NPHP3: variants seen among roughly 807,000 people sequenced by gnomAD.
The protein encoded by NPHP3 is nephrocystin-3.
Under a neutral mutation model 171.9 loss-of-function variants are expected in NPHP3, and 123 were observed. That is an observed-to-expected ratio of 0.72 (90% CI 0.62 to 0.83). NPHP3 has a LOEUF of 0.83. Among genes scored for constraint, NPHP3 ranks in the 40% least tolerant of loss-of-function variants. The pLI is 0.00. For synonymous variants in NPHP3, 558 were observed against 579.2 expected (o/e 0.96, Z 0.52); for missense variants, 1,506 against 1,591.9 (o/e 0.95, Z 0.92).
intron 22 of NPHP3, among the ~76,000 whole-genome samples, chr3:132,686,768 T>A (rs1450880061): frequency 6.6e-6 from 1 of 152,160 alleles, no homozygotes; most frequent in Non-Finnish European, 1.5e-5. Context: ...ACATTTAGAT[T>A]TTATCAGCAA....
chr3:132,690,891 T>TA (rs141757695), intron 18 of NPHP3, among the ~76,000 whole-genome samples: 1 of 152,020 alleles, frequency 6.6e-6, no homozygotes, highest in Non-Finnish European at 1.5e-5. Flanking sequence ...TTGAACTATT[T>TA]AAAAAAACAC....
intron 8 of NPHP3, among the ~76,000 whole-genome samples, chr3:132,704,761 G>T (rs1433991392): frequency 6.6e-6 from 1 of 152,158 alleles, no homozygotes; most frequent in Admixed American, 6.5e-5. Flanking sequence ...TTGATCTCAA[G>T]TATCTCTGTG....
chr3:132,697,299 T>C lies in NPHP3; in HGVS notation c.2049A>G (p.Ala683=), dbSNP rs1212697729. ...ATTTAATGTCTACAGAGTGGCATTC[T>C]GCAATTATAATAGATTTTGCATCTT... ...SPKDAKSIII[A]ECHSVDIKLS... The change falls in exon 14 of 27, where the codon GCA becomes GCG. Residue 683 remains alanine (A), a synonymous_variant. Coordinates refer to ENST00000337331, the MANE Select transcript of NPHP3 (RefSeq NM_153240.5). 3 of 1,612,200 alleles carry C rather than the reference T, an allele frequency of 1.9e-6. No individual in the cohort carries two copies. Among genetic ancestry groups the C allele is most frequent in the Middle Eastern group, 1.6e-4 (1 of 6,076 alleles).
chr3:132,707,605 C>T (rs893860626), intron 7 of NPHP3, among the ~76,000 whole-genome samples: 1 of 152,184 alleles, frequency 6.6e-6, no homozygotes, highest in African/African-American at 2.4e-5. Flanking sequence ...CGATTTATTT[C>T]TCTCTCTTTT....
chr3:132,683,024 C>T (rs1939071745), intron 25 of NPHP3, among the ~76,000 whole-genome samples: 2 of 152,250 alleles, frequency 1.3e-5, no homozygotes, highest in East Asian at 3.9e-4. Flanking sequence ...GCTTGGTAAC[C>T]ATTTGACCAT....
chr3:132,694,620 A>G (rs576527988), intron 16 of NPHP3, among the ~76,000 whole-genome samples: 23 of 152,330 alleles, frequency 1.5e-4, no homozygotes, highest in African/African-American at 5.3e-4. Context: ...ATTCAGAAAA[A>G]AAGGATAGCC....
At chr3:132,693,127 C>G in intron 16 of NPHP3, 2 of 298,408 alleles carry the variant, frequency 6.7e-6, no homozygotes, top group South Asian at 4.1e-5. Context: ...TCCAGGAAGA[C>G]AGTGGAAGAA....
At chr3:132,709,986 AC>A (rs1333008681) in intron 6 of NPHP3, among the ~76,000 whole-genome samples, 2 of 152,182 alleles carry the variant, frequency 1.3e-5, no homozygotes, top group Non-Finnish European at 2.9e-5. Context: ...GGCATTCCCT[AC>A]AAAACTGACC....
chr3:132,691,132 A>C (rs1178007236), intron 18 of NPHP3, 60 bp downstream of exon 18: 8 of 1,202,886 alleles, frequency 6.7e-6, no homozygotes, highest in African/African-American at 3.0e-5. Flanking sequence ...AACAGAAATA[A>C]GGACACAAAG....
intron 24 of NPHP3, 122 bp downstream of exon 24, chr3:132,684,432 T>C (rs951280435): frequency 1.1e-6 from 1 of 915,716 alleles, no homozygotes; most frequent in Non-Finnish European, 1.7e-6. Flanking sequence ...AAAAGTTAAA[T>C]CATGATTTTT....
At chr3:132,717,980 T>C (rs899805941) in intron 3 of NPHP3, 10 of 407,068 alleles carry the variant, frequency 2.5e-5, no homozygotes, top group African/African-American at 1.9e-4. Context: ...GGTCTTGATC[T>C]TTTGACCTCG....
intron 5 of NPHP3, among the ~76,000 whole-genome samples, chr3:132,714,746 A>G (rs1307793740): frequency 1.3e-5 from 2 of 152,124 alleles, no homozygotes; most frequent in Non-Finnish European, 2.9e-5. Flanking sequence ...GCAAACAAAC[A>G]CACAAACAAA....
At chr3:132,702,996 T>A (rs751772211) in intron 9 of NPHP3, among the ~76,000 whole-genome samples, 3 of 152,218 alleles carry the variant, frequency 2.0e-5, no homozygotes, top group Non-Finnish European at 4.4e-5. Flanking sequence ...CACTGTGTAC[T>A]CTTAGGCAAA....
rs1939240207 is a variant in NPHP3 at position 132,689,269 on chromosome 3, T to G, written c.2694-6A>C. The G allele has an allele frequency of 1.2e-6, 2 of 1,613,974 alleles. No homozygotes were observed. Among genetic ancestry groups the G allele is most frequent in the East Asian group, 4.5e-5 (2 of 44,886 alleles). On this transcript the variant is annotated splice_region_variant and splice_polypyrimidine_tract_variant and intron_variant, in intron 19 of 26. Transcript: ENST00000337331. ...GCAACTCAGCAAAGTGTCCCCTGTT[T>G]CAACAAATAACAGTACTTTAATGAA... is the stretch of plus-strand genomic sequence containing the variant.
At chr3:132,706,407 T>C (rs1393632245) in intron 7 of NPHP3, among the ~76,000 whole-genome samples, 1 of 151,874 alleles carries the variant, frequency 6.6e-6, no homozygotes, top group Non-Finnish European at 1.5e-5. Flanking sequence ...ATACATTTTT[T>C]TTTTGCTCTG....
intron 9 of NPHP3, among the ~76,000 whole-genome samples, chr3:132,702,290 G>T (rs1939630827): frequency 6.6e-6 from 1 of 150,732 alleles, no homozygotes; most frequent in African/African-American, 2.5e-5. Context: ...CTCAGTTTCT[G>T]GGGGTGAGAA....
chr3:132,703,579 CTTTTTTTTTT>C (rs747062922), intron 9 of NPHP3, among the ~76,000 whole-genome samples: 4 of 131,020 alleles, frequency 3.1e-5, no homozygotes, highest in South Asian at 5.0e-4. Flanking sequence ...TTCTTTCTTT[CTTTTTTTTTT>C]TTTTTTTAAA....
chr3:132,709,485 G>C (rs1395904595), intron 6 of NPHP3, among the ~76,000 whole-genome samples: 2 of 151,970 alleles, frequency 1.3e-5, no homozygotes, highest in Non-Finnish European at 2.9e-5. Flanking sequence ...GTTTCACCAT[G>C]TTGCCCAGGC....
chr3:132,693,002 A>T, intron 16 of NPHP3, 184 bp from the exon 17 acceptor site: 1 of 603,916 alleles, frequency 1.7e-6, no homozygotes, highest in South Asian at 2.0e-5. Flanking sequence ...ATGAAGATTA[A>T]GATAGTGTAT....
Sources: gnomAD v4.1 joint callset for allele counts (sites outside exome capture counted in the v4.1 genomes callset) on GRCh38, gnomAD v4.1.1 for gene constraint, MANE v1.5 for transcripts, NCBI Gene and HGNC (gene_info 2026-07-23, HGNC 2026-07-21) for gene names.